R3HDM1: variants seen among roughly 807,000 people sequenced by gnomAD.
R3HDM1 encodes the protein R3H domain containing 1.
R3HDM1 carries 46 observed loss-of-function variants against 141.1 expected under a neutral mutation model. That is an observed-to-expected ratio of 0.33 (90% confidence interval 0.26 to 0.42). The LOEUF is 0.42. Ranked by LOEUF, R3HDM1 falls within the 10% of genes least tolerant of loss-of-function variation. The pLI is 1.00. For missense variants in R3HDM1, 1,184 were observed against 1,368.3 expected (o/e 0.87, Z 2.12); for synonymous variants, 435 against 472.9 (o/e 0.92, Z 1.04).
At chr2:135,544,770 G>A (rs1455154173) in intron 1 of R3HDM1, among the ~76,000 whole-genome samples, 1 of 152,150 alleles carries the variant, frequency 6.6e-6, no homozygotes, top group Non-Finnish European at 1.5e-5. Context: ...AGACCAGCTT[G>A]GGCAACCTGG....
At chr2:135,684,698 T>C (rs1366895216) in intron 21 of R3HDM1, among the ~76,000 whole-genome samples, 1 of 151,788 alleles carries the variant, frequency 6.6e-6, no homozygotes, top group Non-Finnish European at 1.5e-5. Flanking sequence ...GCATAAATAC[T>C]CATATGAGGA....
intron 3 of R3HDM1, among the ~76,000 whole-genome samples, chr2:135,614,708 T>TA (rs1258949552): frequency 2.0e-5 from 3 of 152,220 alleles, no homozygotes; most frequent in Admixed American, 2.0e-4. Flanking sequence ...TACAAGAGAT[T>TA]AAAGCAGAGG....
chr2:135,667,627 T>C (rs1006055779), intron 19 of R3HDM1: 1 of 974,468 alleles, frequency 1.0e-6, no homozygotes, highest in Admixed American at 6.2e-5. Flanking sequence ...AAAGAATAAT[T>C]TATGTGGTAG....
At chr2:135,641,867 G>A in intron 15 of R3HDM1, 77 bp downstream of exon 15, 11 of 1,406,576 alleles carry the variant, frequency 7.8e-6, no homozygotes, top group Non-Finnish European at 1.0e-5. Flanking sequence ...TTCTGAATAT[G>A]TGTAGTCAGC....
At chr2:135,582,255 C>T (rs1199915208) in intron 1 of R3HDM1, among the ~76,000 whole-genome samples, 4 of 152,070 alleles carry the variant, frequency 2.6e-5, no homozygotes, top group Non-Finnish European at 4.4e-5. Context: ...CACTTGAACC[C>T]GGGAGGCGGA....
At chr2:135,559,315 C>T (rs1351910367) in intron 1 of R3HDM1, among the ~76,000 whole-genome samples, 1 of 152,016 alleles carries the variant, frequency 6.6e-6, no homozygotes, top group African/African-American at 2.4e-5. Flanking sequence ...TAGGGTCTTA[C>T]CATGTTGCCC....
At chr2:135,536,832 T>G (rs2104879236) in intron 1 of R3HDM1, 2 of 511,538 alleles carry the variant, frequency 3.9e-6, no homozygotes, top group Non-Finnish European at 5.0e-6. Context: ...TCCTGTCAGA[T>G]CAGCGGTGGC....
At chr2:135,705,904 C>T (rs914334988) in intron 21 of R3HDM1, among the ~76,000 whole-genome samples, 7 of 151,988 alleles carry the variant, frequency 4.6e-5, no homozygotes, top group East Asian at 3.9e-4. Flanking sequence ...CCAAGGCTGG[C>T]GGATCACGAG....
At chr2:135,593,619 C>T (rs1042666789) in intron 1 of R3HDM1, among the ~76,000 whole-genome samples, 5 of 152,160 alleles carry the variant, frequency 3.3e-5, no homozygotes, top group East Asian at 1.9e-4. Flanking sequence ...GTGTTTGCCA[C>T]GAATTAGCTC....
intron 1 of R3HDM1, among the ~76,000 whole-genome samples, chr2:135,552,742 T>C (rs147905874): frequency 6.6e-6 from 1 of 152,366 alleles, no homozygotes; most frequent in East Asian, 1.9e-4. Flanking sequence ...TTAGCTTTCT[T>C]CACTGTAATG....
intron 21 of R3HDM1, among the ~76,000 whole-genome samples, chr2:135,691,101 G>A (rs976342430): frequency 1.3e-5 from 2 of 151,972 alleles, no homozygotes; most frequent in African/African-American, 2.4e-5. Context: ...GGTCTTTCTG[G>A]TTAAACATAC....
chr2:135,633,130 A>T (rs1167262302), intron 9 of R3HDM1, among the ~76,000 whole-genome samples: 1 of 152,204 alleles, frequency 6.6e-6, no homozygotes, highest in Admixed American at 6.5e-5. Flanking sequence ...TAGGGATTAA[A>T]TGTTACTAAA....
chr2:135,581,286 A>G (rs1002082301), intron 1 of R3HDM1: 2 of 985,272 alleles, frequency 2.0e-6, no homozygotes, highest in Admixed American at 6.2e-5. Flanking sequence ...TTCCCTGTAG[A>G]TCCACAGTAG....
intron 23 of R3HDM1, among the ~76,000 whole-genome samples, chr2:135,710,612 T>C (rs2075514770): frequency 6.6e-6 from 1 of 151,948 alleles, no homozygotes; most frequent in Non-Finnish European, 1.5e-5. Context: ...ATCGTGCCAT[T>C]GCACTCCAGC....
At chr2:135,546,056 G>A (rs190802027) in intron 1 of R3HDM1, among the ~76,000 whole-genome samples, 2 of 152,224 alleles carry the variant, frequency 1.3e-5, no homozygotes, top group African/African-American at 2.4e-5. Context: ...CATGCCTTTC[G>A]AGCAAGTGCC....
intron 14 of R3HDM1, among the ~76,000 whole-genome samples, chr2:135,640,992 A>T (rs542541511): frequency 2.2e-4 from 33 of 152,338 alleles, no homozygotes; most frequent in Admixed American, 1.4e-3. Flanking sequence ...TTGATTTTAC[A>T]TTTTGGGAAA....
chr2:135,566,771 G>A, intron 1 of R3HDM1: 1 of 985,206 alleles, frequency 1.0e-6, no homozygotes, highest in Non-Finnish European at 1.2e-6. Flanking sequence ...GCCCAGCGCG[G>A]TGGCTCACGC....
Position 135,646,471 on chromosome 2 carries a change from G to A in R3HDM1, c.1623+944G>A, listed in dbSNP as rs1220616630. On this transcript the variant is annotated intron_variant, in intron 16 of 26. Transcript: ENST00000683871. ...GTAAAGATTGTTTAACATTATCAAAGTTCCTGTAGTTAGTTATACCTCTTT... is the reference window on the plus strand; with the variant it reads ...GTAAAGATTGTTTAACATTATCAAAATTCCTGTAGTTAGTTATACCTCTTT... 1.3e-5 allele frequency among the ~76,000 whole-genome samples: 2 copies of A among 151,718 alleles called. 1 individual carries two copies. Among genetic ancestry groups the A allele is most frequent in the Middle Eastern group, 6.3e-3 (2 of 316 alleles).
In R3HDM1 at chr2:135,651,808, G is replaced by A. The variant is rs771739553; in HGVS notation, c.1804G>A (p.Ala602Thr). Reference sequence around the variant, plus strand: ...TGCTGATGGTTCTGACCCTCATGCCGCCATGTTCCAGTCCACTGTGGTTCT... The same window carrying A: ...TGCTGATGGTTCTGACCCTCATGCCACCATGTTCCAGTCCACTGTGGTTCT... ...PSADGSDPHA[A>T]MFQSTVVLQS... Residue 602 changes from alanine (A) to threonine (T), a missense_variant, in exon 18 of 27, where the codon GCC becomes ACC. Coordinates refer to ENST00000683871, the MANE Select transcript of R3HDM1 (RefSeq NM_001378107.1). 12 of 1,613,860 alleles carry A rather than the reference G, an allele frequency of 7.4e-6. No individual in the cohort carries two copies. Among genetic ancestry groups the A allele is most frequent in the South Asian group, 1.1e-5 (1 of 91,074 alleles).
Sources: gnomAD v4.1 joint callset for allele counts (sites outside exome capture counted in the v4.1 genomes callset) on GRCh38, gnomAD v4.1.1 for gene constraint, MANE v1.5 for transcripts, NCBI Gene and HGNC (gene_info 2026-07-23, HGNC 2026-07-21) for gene names.